UBTD1: variants seen among roughly 807,000 people sequenced by gnomAD.
UBTD1 encodes ubiquitin domain-containing protein 1.
A neutral mutation model predicts 21.7 loss-of-function variants in UBTD1; 19 were observed. That is an observed-to-expected ratio of 0.87 (90% CI 0.61 to 1.28). UBTD1 has a LOEUF of 1.28. Ranked by LOEUF, UBTD1 falls within the 50% of genes most tolerant of loss-of-function variation. The pLI is 0.00. For missense variants in UBTD1, 282 were observed against 315.1 expected (o/e 0.89, Z 0.80); for synonymous variants, 116 against 135.1 (o/e 0.86, Z 0.98).
intron 1 of UBTD1, among the ~76,000 whole-genome samples, chr10:97,548,023 A>G (rs745341285): frequency 6.6e-6 from 1 of 152,152 alleles, no homozygotes; most frequent in African/African-American, 2.4e-5. Flanking sequence ...CTTAATCCTT[A>G]CAGCAGTCCC....
chr10:97,508,726 C>T (rs1357262307), intron 1 of UBTD1, among the ~76,000 whole-genome samples: 2 of 152,184 alleles, frequency 1.3e-5, no homozygotes, highest in African/African-American at 4.8e-5. Context: ...ACCTCCACAC[C>T]TAGAAGCCAT....
intron 1 of UBTD1, among the ~76,000 whole-genome samples, chr10:97,512,072 G>A (rs1211471600): frequency 2.0e-5 from 3 of 152,194 alleles, no homozygotes; most frequent in Non-Finnish European, 2.9e-5. Context: ...TGTTGGGGAG[G>A]GGAACACAGC....
chr10:97,555,227 C>G (rs2040658552), intron 1 of UBTD1, among the ~76,000 whole-genome samples: 1 of 152,142 alleles, frequency 6.6e-6, no homozygotes. Context: ...GTCATCCCTG[C>G]TAAATAATGA....
intron 1 of UBTD1, among the ~76,000 whole-genome samples, chr10:97,534,205 C>A (rs1445608559): frequency 6.6e-6 from 1 of 152,184 alleles, no homozygotes; most frequent in Non-Finnish European, 1.5e-5. Flanking sequence ...TCCCAGGAAA[C>A]CAGAGCTCTC....
rs1048228839 is a variant in UBTD1 at position 97,564,339 on chromosome 10, T to C, written c.71-3575T>C. 7.2e-5 allele frequency among the ~76,000 whole-genome samples: 11 copies of C among 152,296 alleles called. No individual in the cohort carries two copies. The South Asian group carries it at 2.3e-3, about 32-fold the overall frequency. ...GTACCTTCAAATGGACTGTGACATA[T>C]TTCGAAATGGCCCTGCAAAACTGTC... On this transcript the variant is annotated intron_variant, in intron 1 of 2. Coordinates refer to ENST00000370664, the MANE Select transcript of UBTD1 (RefSeq NM_024954.5).
chr10:97,529,249 G>A (rs1166849006), intron 1 of UBTD1, among the ~76,000 whole-genome samples: 2 of 150,040 alleles, frequency 1.3e-5, no homozygotes, highest in African/African-American at 4.9e-5. Flanking sequence ...GTGGGATGGC[G>A]GCCGGGCAGA....
chr10:97,509,649 CT>C lies in UBTD1; in HGVS notation c.70+10384del, dbSNP rs560075771. On this transcript the variant is annotated intron_variant, in intron 1 of 2. Coordinates refer to ENST00000370664, the MANE Select transcript of UBTD1 (RefSeq NM_024954.5). ...ATCACAAGGGCTGGCCATGAATTTCCTTTTTTTTCCCCCCACCCTGAGACGG... is the reference window on the plus strand; with the variant it reads ...ATCACAAGGGCTGGCCATGAATTTCCTTTTTTTCCCCCCACCCTGAGACGG... 1.1e-4 allele frequency among the ~76,000 whole-genome samples: 16 copies of C among 152,084 alleles called. 1 individual carries two copies. The highest frequency in any genetic ancestry group is 3.4e-3 in the Middle Eastern group (1 of 294).
At chr10:97,507,996 G>A (rs955633961) in intron 1 of UBTD1, among the ~76,000 whole-genome samples, 17 of 152,166 alleles carry the variant, frequency 1.1e-4, no homozygotes, top group African/African-American at 3.9e-4. Flanking sequence ...CTGCGCACTT[G>A]GAGTTTTGTT....
At chr10:97,541,558 C>T (rs1278561016) in intron 1 of UBTD1, among the ~76,000 whole-genome samples, 3 of 152,090 alleles carry the variant, frequency 2.0e-5, no homozygotes, top group African/African-American at 7.2e-5. Context: ...TTTTCAAGCT[C>T]CTACTGTGTG....
At chr10:97,546,502 ATTAT>A (rs1276782079) in intron 1 of UBTD1, among the ~76,000 whole-genome samples, 2 of 149,122 alleles carry the variant, frequency 1.3e-5, no homozygotes, top group African/African-American at 2.5e-5. Context: ...AGGTGGGAGG[ATTAT>A]TTGAGTCCAG....
chr10:97,570,676 G>A lies in UBTD1; in HGVS notation c.*153G>A, dbSNP rs756378430. On this transcript the variant is annotated 3_prime_UTR_variant, in exon 3 of 3. Transcript: ENST00000370664. This position sits in a 1 kb window ranked among gnomAD's most constrained non-coding sequence, Gnocchi z 6.6. ...GGGACCCTGCCTTTCAGGGCACTAC[G>A]CGCCACCAGTTCCCGGTACCCAGGG... The A allele has an allele frequency of 2.7e-5, 25 of 928,672 alleles. No homozygotes were observed. The highest frequency in any genetic ancestry group is 5.3e-5 in the East Asian group (2 of 38,010). 57.5% of individuals were successfully genotyped at this position (928,672 alleles called of 1,614,324 possible). A position where few individuals can be genotyped will look rare whatever the true frequency, so the allele number is the denominator to read the frequency against.
At chr10:97,507,183 C>T (rs778126838) in intron 1 of UBTD1, among the ~76,000 whole-genome samples, 4 of 152,214 alleles carry the variant, frequency 2.6e-5, no homozygotes, top group Non-Finnish European at 5.9e-5. Context: ...TCTTCACCAA[C>T]AGTTGTTATT....
intron 1 of UBTD1, among the ~76,000 whole-genome samples, chr10:97,567,165 G>A (rs1373233016): frequency 6.6e-6 from 1 of 151,660 alleles, no homozygotes; most frequent in Non-Finnish European, 1.5e-5. Flanking sequence ...CAACCTCCCA[G>A]GCTCAAGTGA....
At position 97,570,911 on chromosome 10, in the gene UBTD1, A is replaced by C; in HGVS notation, c.*388A>C. ...GCTGCTGTCTCCCTCCTCTGCCCCCATCCCCTGGCTCTCCCCTGGGCACAG... is the reference window on the plus strand; with the variant it reads ...GCTGCTGTCTCCCTCCTCTGCCCCCCTCCCCTGGCTCTCCCCTGGGCACAG... On this transcript the variant is annotated 3_prime_UTR_variant, in exon 3 of 3. Coordinates refer to ENST00000370664, the MANE Select transcript of UBTD1 (RefSeq NM_024954.5). This position sits in a 1 kb window ranked among gnomAD's most constrained non-coding sequence, Gnocchi z 6.6. 5.2e-6 allele frequency: 1 copy of C among 192,702 alleles called. No individual in the cohort carries two copies. Among genetic ancestry groups the C allele is most frequent in the African/African-American group, 2.3e-5 (1 of 43,590 alleles). 11.9% of individuals were successfully genotyped at this position (192,702 alleles called of 1,614,324 possible).
In UBTD1 at chr10:97,554,347, A is replaced by G. The variant is rs544082699; in HGVS notation, c.71-13567A>G. Among the ~76,000 whole-genome samples the G allele has an allele frequency of 6.8e-5, 10 of 148,096 alleles. No individual in the cohort carries two copies. The South Asian group carries it at 2.2e-3, about 33-fold the overall frequency. ...ACTGCTACCTCCGTCTCTGGGGTTC[A>G]AGTGATTCTCCTGCCTCACCTCCAT... is the stretch of plus-strand genomic sequence containing the variant. On this transcript the variant is annotated intron_variant, in intron 1 of 2. Coordinates refer to ENST00000370664, the MANE Select transcript of UBTD1 (RefSeq NM_024954.5).
chr10:97,545,965 A>T (rs905571970), intron 1 of UBTD1, among the ~76,000 whole-genome samples: 5 of 152,112 alleles, frequency 3.3e-5, no homozygotes, highest in African/African-American at 9.7e-5. Context: ...TTGTATTTTT[A>T]GTAGAGATGG....
At chr10:97,557,135 T>C (rs2153546) in intron 1 of UBTD1, among the ~76,000 whole-genome samples, 148,774 of 152,288 alleles carry the variant, frequency 0.98, 72,699 homozygotes, top group East Asian at 1. Flanking sequence ...CCAACACAAA[T>C]ATAACATGAG....
intron 1 of UBTD1, among the ~76,000 whole-genome samples, chr10:97,521,705 G>C (rs541272572): frequency 6.6e-6 from 1 of 152,340 alleles, no homozygotes; most frequent in South Asian, 2.1e-4. Context: ...TGAAGCCCCA[G>C]CTACGGAGTT....
chr10:97,510,200 A>G (rs538940809), intron 1 of UBTD1, among the ~76,000 whole-genome samples: 1 of 143,134 alleles, frequency 7.0e-6, no homozygotes, highest in Non-Finnish European at 1.5e-5. Context: ...CCTGGCCTCA[A>G]GTGGTCCACC....
Sources: allele counts gnomAD v4.1 joint callset (sites outside exome capture counted in the v4.1 genomes callset), GRCh38; gene constraint gnomAD v4.1.1; non-coding constraint Gnocchi (gnomAD v3.1); transcripts MANE v1.5; gene names NCBI Gene and HGNC (gene_info 2026-07-23, HGNC 2026-07-21).